Variants in SHLD2 observed in about 807,000 individuals in gnomAD.
The protein encoded by SHLD2 is shieldin complex subunit 2, also known as RINN1-REV7-interacting novel NHEJ regulator 2.
Under a neutral mutation model 73.2 loss-of-function variants are expected in SHLD2, and 30 were observed. The observed-to-expected ratio is 0.41, with a 90% CI of 0.31 to 0.56. The LOEUF is 0.56. Ranked by LOEUF, SHLD2 falls within the 20% of genes least tolerant of loss-of-function variation. The probability of loss-of-function intolerance (pLI) is 0.28; values close to 1 mark genes in which losing one functional copy is unlikely to be tolerated. For missense variants in SHLD2, 745 were observed against 1,055.9 expected (o/e 0.71, Z 4.08); for synonymous variants, 285 against 370.1 (o/e 0.77, Z 2.64).
In SHLD2 at chr10:87,139,794, C is replaced by T. The variant is rs185810001; in HGVS notation, c.-5-11556C>T. Among the ~76,000 whole-genome samples the T allele has an allele frequency of 5.7e-3, 862 of 152,220 alleles. 12 individuals carry two copies. Among genetic ancestry groups the T allele is most frequent in the African/African-American group, 0.019 (804 of 41,528 alleles). On this transcript the variant is annotated intron_variant, in intron 2 of 9. Transcript: ENST00000298786. ...GAGCTGAGAACATGCCACTGTACTC[C>T]AACCTGGGTGACAGAGTGAGACTTT...
chr10:87,117,341 C>T (rs561087305), intron 2 of SHLD2, among the ~76,000 whole-genome samples: 1 of 152,228 alleles, frequency 6.6e-6, no homozygotes, highest in East Asian at 1.9e-4. Flanking sequence ...ATAGCTTGAA[C>T]CTGGGAGGTG....
chr10:87,151,075 G>A (rs1364245730), intron 2 of SHLD2, among the ~76,000 whole-genome samples: 4 of 152,044 alleles, frequency 2.6e-5, no homozygotes, highest in Admixed American at 2.0e-4. Context: ...CACCCGCCTC[G>A]GCCTCCCAAA....
intron 2 of SHLD2, among the ~76,000 whole-genome samples, chr10:87,150,168 G>T (rs1359826910): frequency 6.7e-6 from 1 of 150,222 alleles, no homozygotes; most frequent in Non-Finnish European, 1.5e-5. Context: ...GAGTTCAAGC[G>T]CTTCTCTTGC....
chr10:87,156,786 G>C, intron 3 of SHLD2, among the ~76,000 whole-genome samples: 1 of 152,122 alleles, frequency 6.6e-6, no homozygotes, highest in Non-Finnish European at 1.5e-5. Flanking sequence ...GAAAAGTCTT[G>C]AATGCTGTAC....
At chr10:87,156,162 G>A (rs550127295) in intron 3 of SHLD2, among the ~76,000 whole-genome samples, 47 of 151,608 alleles carry the variant, frequency 3.1e-4, no homozygotes, top group Admixed American at 3.0e-3. Flanking sequence ...TGCCTCCTGG[G>A]TTCAAGTGAT....
chr10:87,142,138 A>G (rs1286828592), intron 2 of SHLD2, among the ~76,000 whole-genome samples: 1 of 152,242 alleles, frequency 6.6e-6, no homozygotes, highest in East Asian at 1.9e-4. Flanking sequence ...CCAGCTGAAT[A>G]AAAAATAAAT....
chr10:87,119,313 T>C (rs1215745272), intron 2 of SHLD2, among the ~76,000 whole-genome samples: 2 of 152,284 alleles, frequency 1.3e-5, no homozygotes, highest in Non-Finnish European at 2.9e-5. Context: ...GCTTTGGTGC[T>C]GACTTCTGTT....
At chr10:87,095,745 C>A (rs1465177011) in intron 1 of SHLD2, among the ~76,000 whole-genome samples, 2 of 152,220 alleles carry the variant, frequency 1.3e-5, no homozygotes, top group Admixed American at 6.5e-5. Flanking sequence ...TGTGTCGCCC[C>A]ACAGTACTGA....
Position 87,152,693 on chromosome 10 carries a change from A to T in SHLD2, c.1339A>T (p.Met447Leu). 2 of 1,611,212 alleles carry T rather than the reference A, an allele frequency of 1.2e-6. No homozygotes were observed. The highest frequency in any genetic ancestry group is 2.2e-5 in the South Asian group (2 of 90,858). The change falls in exon 3 of 10, where the codon ATG (methionine) becomes TTG (leucine). Residue 447 changes from methionine (M) to leucine (L), a missense_variant. Physicochemically the swap from Met to Leu is conservative, Grantham distance 15. Around this residue, in one of 5 missense-constraint regions of SHLD2, gnomAD observed 418 missense variants for 567.8 expected, o/e 0.74. Coordinates refer to ENST00000298786, the MANE Select transcript of SHLD2 (RefSeq NM_001330112.2). ...AAGCCAGAAGTATAATTGTTTAGTC[A>T]TGGTGCTATCTCCATGCCATGTGAA... is the stretch of plus-strand genomic sequence containing the variant. The part of the protein sequence containing the change: ...SKSQKYNCLV[M>L]VLSPCHVKEI...
intron 8 of SHLD2, among the ~76,000 whole-genome samples, chr10:87,181,877 C>A (rs1848333305): frequency 6.6e-6 from 1 of 150,874 alleles, no homozygotes; most frequent in African/African-American, 2.4e-5. Flanking sequence ...TCAAGTGATT[C>A]TTCTGTCTCA....
intron 9 of SHLD2, among the ~76,000 whole-genome samples, chr10:87,189,206 A>T (rs1476832206): frequency 6.6e-6 from 1 of 152,140 alleles, no homozygotes; most frequent in Non-Finnish European, 1.5e-5. Flanking sequence ...TCTCTATGTT[A>T]GTTAGGCTGG....
chr10:87,129,381 G>A (rs1183181650), intron 2 of SHLD2, among the ~76,000 whole-genome samples: 2 of 152,096 alleles, frequency 1.3e-5, no homozygotes, highest in Non-Finnish European at 2.9e-5. Flanking sequence ...GTTAGCCACC[G>A]TGCCTGGCTT....
In SHLD2 at chr10:87,146,855, G is replaced by A. The variant is rs546595823; in HGVS notation, c.-5-4495G>A. On this transcript the variant is annotated intron_variant, in intron 2 of 9. Transcript: ENST00000298786. ...GCGGATCAGCTGAGGTTGGGAGTTC[G>A]AGACCAGCCTGACTTACATGGAGAA... 4.0e-3 allele frequency among the ~76,000 whole-genome samples: 575 copies of A among 142,490 alleles called. 2 individuals carry two copies. The highest frequency in any genetic ancestry group is 5.7e-3 in the Non-Finnish European group (355 of 62,514). The allele number at this position is 142,490 out of a possible 152,430, so 93.5% of individuals were successfully genotyped here.
chr10:87,173,720 A>G lies in SHLD2; in HGVS notation c.1964-2169A>G, dbSNP rs1017921020. Among the ~76,000 whole-genome samples the G allele has an allele frequency of 2.6e-5, 4 of 152,106 alleles. No individual in the cohort carries two copies. In the East Asian group the frequency reaches 5.8e-4, roughly 22 times the overall value. ...AAAACTATTATACATAAAAACCACC[A>G]TGTACAAAATTGAAAGGCAACCAAA... On this transcript the variant is annotated intron_variant, in intron 6 of 9. Transcript: ENST00000298786.
chr10:87,136,305 G>A (rs2134190987), intron 2 of SHLD2, among the ~76,000 whole-genome samples: 1 of 152,010 alleles, frequency 6.6e-6, no homozygotes, highest in South Asian at 2.1e-4. Flanking sequence ...ACTACAAGAT[G>A]CGCTAGTATA....
intron 9 of SHLD2, among the ~76,000 whole-genome samples, chr10:87,188,745 C>G (rs1389159979): frequency 1.3e-5 from 2 of 152,184 alleles, no homozygotes; most frequent in Non-Finnish European, 2.9e-5. Context: ...CTGGAGGCAC[C>G]TGTCTCCTTA....
chr10:87,106,642 A>T (rs1257705491), intron 2 of SHLD2, among the ~76,000 whole-genome samples: 1 of 152,222 alleles, frequency 6.6e-6, no homozygotes, highest in Non-Finnish European at 1.5e-5. Flanking sequence ...AGACAGGAAG[A>T]CAGAACAGAA....
intron 2 of SHLD2, among the ~76,000 whole-genome samples, chr10:87,135,425 TG>T (rs1225465442): frequency 6.6e-6 from 1 of 152,148 alleles, no homozygotes; most frequent in Non-Finnish European, 1.5e-5. Flanking sequence ...GATATCTGTT[TG>T]GTATTTTTGT....
At chr10:87,148,286 T>C (rs1463510743) in intron 2 of SHLD2, among the ~76,000 whole-genome samples, 1 of 152,224 alleles carries the variant, frequency 6.6e-6, no homozygotes, top group Non-Finnish European at 1.5e-5. Flanking sequence ...GTTACGTAAG[T>C]GATTGAAGGA....
Sources: allele counts gnomAD v4.1 joint callset (sites outside exome capture counted in the v4.1 genomes callset), GRCh38; gene constraint gnomAD v4.1.1; regional missense constraint gnomAD v4.1.1; transcripts MANE v1.5; gene names NCBI Gene and HGNC (gene_info 2026-07-23, HGNC 2026-07-21).